Variants in IPO8 observed in about 807,000 individuals in gnomAD.
IPO8 encodes the protein importin-8.
Under a neutral mutation model 141.2 loss-of-function variants are expected in IPO8, and 65 were observed. The ratio of observed to expected loss-of-function variants is 0.46; its 90% CI spans 0.38 to 0.57. IPO8 has a LOEUF of 0.57. Ranked by LOEUF, IPO8 falls within the 20% of genes least tolerant of loss-of-function variation. The pLI is 0.00. For synonymous variants in IPO8, 411 were observed against 420.3 expected, an observed-to-expected ratio of 0.98 and a Z score of 0.27; for missense variants, 980 against 1,246.8, an observed-to-expected ratio of 0.79 and a Z score of 3.22.
chr12:30,638,021 T>C (rs2052526042), intron 21 of IPO8, among the ~76,000 whole-genome samples: 1 of 152,192 alleles, frequency 6.6e-6, no homozygotes, highest in African/African-American at 2.4e-5. Context: ...TAGTACGCTA[T>C]AACAGAACTG....
intron 20 of IPO8, among the ~76,000 whole-genome samples, chr12:30,644,691 TCAC>T (rs1414980549): frequency 6.7e-6 from 1 of 149,774 alleles, no homozygotes; most frequent in Non-Finnish European, 1.5e-5. Context: ...ATTTTGCTCA[TCAC>T]CCAGGCTGGA....
At chr12:30,653,183 A>G in intron 17 of IPO8, 91 bp from the exon 18 acceptor site, 1 of 1,126,226 alleles carries the variant, frequency 8.9e-7, no homozygotes, top group South Asian at 1.3e-5. Context: ...CTACCTACGC[A>G]CACAGAGTCC....
intron 5 of IPO8, 49 bp downstream of exon 5, chr12:30,680,433 C>A: frequency 6.9e-7 from 1 of 1,448,316 alleles, no homozygotes. Flanking sequence ...TTCCATGTGT[C>A]AGGCAGAAAT....
At chr12:30,692,617 T>C (rs2053301369) in intron 1 of IPO8, among the ~76,000 whole-genome samples, 1 of 152,218 alleles carries the variant, frequency 6.6e-6, no homozygotes, top group Admixed American at 6.5e-5. Context: ...TGAGAACTCA[T>C]AAAGCAAAAA....
intron 16 of IPO8, 27 bp downstream of exon 16, chr12:30,661,109 CTATTA>C (rs61380141): frequency 0.51 from 722,920 of 1,418,284 alleles, 187,113 homozygotes; most frequent in African/African-American, 0.67. Context: ...TTAAATGCTA[CTATTA>C]TATCATAAAC....
intron 5 of IPO8, among the ~76,000 whole-genome samples, chr12:30,679,444 G>A (rs2053162664): frequency 1.3e-5 from 2 of 152,046 alleles, no homozygotes. Flanking sequence ...AGCTGTTTCT[G>A]CCAATAGAAA....
chr12:30,671,596 C>A (rs2053050890), intron 8 of IPO8, among the ~76,000 whole-genome samples: 1 of 149,578 alleles, frequency 6.7e-6, no homozygotes, highest in African/African-American at 2.5e-5. Context: ...ATGGCATGAA[C>A]CCCGGAGGCG....
In IPO8 at chr12:30,695,336, C is replaced by G. The variant is rs1210574547; in HGVS notation, c.84+228G>C. Reference sequence around the variant, plus strand: ...ACTGCCCTGGAGAAGGGAGACGACACGAAAAGGTGCAAAGGTGGCCAACAG... The same window carrying G: ...ACTGCCCTGGAGAAGGGAGACGACAGGAAAAGGTGCAAAGGTGGCCAACAG... On this transcript the variant is annotated intron_variant, in intron 1 of 24. Transcript: ENST00000256079. The surrounding 1 kb of genome is among the most constrained non-coding windows in gnomAD (Gnocchi z 4.2). Among the ~76,000 whole-genome samples the G allele has an allele frequency of 6.6e-6, 1 of 152,202 alleles. No individual in the cohort carries two copies. The highest frequency in any genetic ancestry group is 1.5e-5 in the Non-Finnish European group (1 of 68,044).
intron 22 of IPO8, 68 bp downstream of exon 22, chr12:30,636,914 G>C: frequency 1.6e-6 from 2 of 1,238,210 alleles, no homozygotes; most frequent in East Asian, 4.7e-5. Context: ...ATATAGACTA[G>C]TATTCATATA....
At chr12:30,683,401 T>A (rs1555118224) in intron 3 of IPO8, among the ~76,000 whole-genome samples, 1 of 152,178 alleles carries the variant, frequency 6.6e-6, no homozygotes, top group Admixed American at 6.5e-5. Context: ...GGCTATTAGA[T>A]ACTAAGGGCT....
At position 30,634,209 on chromosome 12, in the gene IPO8, C is replaced by T; in HGVS notation, c.2773G>A (p.Glu925Lys). Residue 925 changes from glutamate to lysine, a missense_variant, in exon 23 of 25, where the codon GAG (glutamate) becomes AAG (lysine). Glu to Lys is a moderately conservative substitution (Grantham distance 56). Around this residue, in one of 3 missense-constraint regions of IPO8, gnomAD observed 924 missense variants for 1,153.9 expected, o/e 0.80. Transcript: ENST00000256079. ...TCCCAGTCATCATCTTCCTCCTCCT[C>T]ATCTTCACCTCTTCCATTATTTGAC... ...MQSNNGRGED[E>K]EEEDDDWDEE... The T allele has an allele frequency of 1.2e-6, 2 of 1,613,982 alleles. No individual in the cohort carries two copies. Among genetic ancestry groups the T allele is most frequent in the Non-Finnish European group, 1.7e-6 (2 of 1,179,884 alleles).
chr12:30,641,311 T>C (rs1331080154), intron 20 of IPO8, among the ~76,000 whole-genome samples: 4 of 152,192 alleles, frequency 2.6e-5, no homozygotes, highest in African/African-American at 9.6e-5. Flanking sequence ...ATCTATTTTT[T>C]GTTTTTGTTT....
chr12:30,654,730 A>G (rs973372950), intron 17 of IPO8, among the ~76,000 whole-genome samples: 13 of 152,134 alleles, frequency 8.5e-5, no homozygotes, highest in Non-Finnish European at 1.9e-4. Context: ...GTAGAGAAAA[A>G]GGAAACTGTT....
At chr12:30,669,897 G>A (rs1228601316) in intron 9 of IPO8, among the ~76,000 whole-genome samples, 1 of 152,092 alleles carries the variant, frequency 6.6e-6, no homozygotes, top group Non-Finnish European at 1.5e-5. Context: ...GTCCTATTAA[G>A]CCCTTTTAGG....
chr12:30,649,366 A>T, intron 19 of IPO8, 134 bp from the exon 20 acceptor site: 1 of 526,496 alleles, frequency 1.9e-6, no homozygotes, highest in East Asian at 3.1e-5. Context: ...TTACCTCACC[A>T]ACCCAAAGAA....
Position 30,681,727 on chromosome 12 carries a change from C to A in IPO8, c.414G>T (p.Leu138Phe), listed in dbSNP as rs953844398. 2 of 1,613,692 alleles carry A rather than the reference C, an allele frequency of 1.2e-6. No individual in the cohort carries two copies. Among genetic ancestry groups the A allele is most frequent in the African/African-American group, 2.7e-5 (2 of 74,902 alleles). The stretch of plus-strand genomic sequence containing the variant: ...GCCAGCTTGCACTGCTCTGTGATTG[C>A]AAGTAATAGTCTATCTTGTCGACCA... ...PGVVDKIDYYLQSQSSASWLG... is the reference protein window; with the variant it reads ...PGVVDKIDYYFQSQSSASWLG... The change falls in exon 4 of 25, where the codon TTG (leucine) becomes TTT (phenylalanine). Residue 138 changes from leucine to phenylalanine, a missense_variant. By Grantham distance (22) the Leu-to-Phe change is conservative. Transcript: ENST00000256079.
chr12:30,687,773 C>G (rs2053256370), intron 2 of IPO8, among the ~76,000 whole-genome samples: 1 of 152,128 alleles, frequency 6.6e-6, no homozygotes, highest in Admixed American at 6.5e-5. Context: ...AGGTTCTGCA[C>G]TCTGCAATGC....
intron 1 of IPO8, chr12:30,694,985 T>C (rs986230443): frequency 4.4e-6 from 2 of 455,742 alleles, no homozygotes; most frequent in Non-Finnish European, 8.8e-6. Flanking sequence ...TACTTTGATG[T>C]GTCTTAGATA....
intron 10 of IPO8, 22 bp downstream of exon 10, chr12:30,669,161 G>GA (rs1005955401): frequency 9.2e-7 from 1 of 1,086,022 alleles, no homozygotes; most frequent in African/African-American, 1.6e-5. Context: ...GAACTGATGA[G>GA]AAATAAAACC....
Sources: allele counts gnomAD v4.1 joint callset (sites outside exome capture counted in the v4.1 genomes callset), GRCh38; gene constraint gnomAD v4.1.1; regional missense constraint gnomAD v4.1.1; non-coding constraint Gnocchi (gnomAD v3.1); transcripts MANE v1.5; gene names NCBI Gene and HGNC (gene_info 2026-07-23, HGNC 2026-07-21).